CSMD3: variants seen among roughly 807,000 people sequenced by gnomAD.
The protein encoded by CSMD3 is CUB and sushi domain-containing protein 3.
A neutral mutation model predicts 435.2 loss-of-function variants in CSMD3; 177 were observed. The ratio of observed to expected loss-of-function variants is 0.41; its 90% CI spans 0.36 to 0.46. CSMD3 has a LOEUF of 0.46. CSMD3 is among the 20% of genes least tolerant of loss of function. The pLI, the probability that CSMD3 is intolerant of heterozygous loss-of-function variation, is 0.34. For missense variants in CSMD3, 4,265 were observed against 4,504.6 expected, an observed-to-expected ratio of 0.95 and a Z score of 1.52; for synonymous variants, 1,656 against 1,520.5, an observed-to-expected ratio of 1.09 and a Z score of -2.07.
chr8:112,903,610 G>A (rs2082169743), intron 10 of CSMD3, among the ~76,000 whole-genome samples: 1 of 150,622 alleles, frequency 6.6e-6, no homozygotes, highest in African/African-American at 2.4e-5. Context: ...TTTTTTTTAA[G>A]AAGAAAAAAC....
chr8:112,660,465 A>T (rs1302335349), intron 17 of CSMD3, among the ~76,000 whole-genome samples: 1 of 152,122 alleles, frequency 6.6e-6, no homozygotes, highest in Non-Finnish European at 1.5e-5. Context: ...AAAAGAACCA[A>T]TTTTCTGGCA....
chr8:113,001,559 T>A (rs752511203), intron 6 of CSMD3, among the ~76,000 whole-genome samples: 8 of 152,042 alleles, frequency 5.3e-5, no homozygotes, highest in African/African-American at 1.7e-4. Context: ...AGATCCTACA[T>A]CCCCTGTATT....
At chr8:113,265,767 C>T (rs919886033) in intron 3 of CSMD3, among the ~76,000 whole-genome samples, 2 of 151,496 alleles carry the variant, frequency 1.3e-5, no homozygotes, top group African/African-American at 2.4e-5. Flanking sequence ...TAGAGAGATA[C>T]TCATGATTTA....
chr8:112,700,121 G>A (rs1190129707), intron 13 of CSMD3, among the ~76,000 whole-genome samples: 2 of 152,166 alleles, frequency 1.3e-5, no homozygotes, highest in East Asian at 1.9e-4. Context: ...ATTTGGGAAT[G>A]ATGAGCTATT....
chr8:113,302,287 A>G (rs1420327316), intron 2 of CSMD3, among the ~76,000 whole-genome samples: 1 of 7,724 alleles, frequency 1.3e-4, no homozygotes, highest in Non-Finnish European at 1.6e-4. Flanking sequence ...ATTATAATAT[A>G]TAATATAATA....
chr8:113,113,666 C>T (rs1284398946), intron 4 of CSMD3, among the ~76,000 whole-genome samples: 1 of 152,144 alleles, frequency 6.6e-6, no homozygotes, highest in Non-Finnish European at 1.5e-5. Context: ...ACAATACTTG[C>T]AATCAGTCAT....
chr8:112,771,761 A>G (rs1211126193), intron 13 of CSMD3, among the ~76,000 whole-genome samples: 1 of 152,082 alleles, frequency 6.6e-6, no homozygotes, highest in Admixed American at 6.6e-5. Context: ...AATCTATAAA[A>G]TAAATTGTAG....
At chr8:112,932,938 T>G (rs546515551) in intron 9 of CSMD3, among the ~76,000 whole-genome samples, 1 of 152,180 alleles carries the variant, frequency 6.6e-6, no homozygotes, top group Non-Finnish European at 1.5e-5. Flanking sequence ...TATCAAAATA[T>G]CATGTGTTCC....
chr8:112,388,481 C>T (rs578170693), intron 36 of CSMD3, among the ~76,000 whole-genome samples: 1 of 151,770 alleles, frequency 6.6e-6, no homozygotes, highest in African/African-American at 2.4e-5. Context: ...TTCATTGTAC[C>T]GAGTAAGAGT....
At chr8:113,081,655 A>G (rs1182519477) in intron 5 of CSMD3, among the ~76,000 whole-genome samples, 1 of 152,078 alleles carries the variant, frequency 6.6e-6, no homozygotes, top group Non-Finnish European at 1.5e-5. Context: ...CAGAGCCACC[A>G]TCACACTACA....
chr8:112,840,585 A>T (rs1464986543), intron 11 of CSMD3, among the ~76,000 whole-genome samples: 1 of 151,776 alleles, frequency 6.6e-6, no homozygotes, highest in East Asian at 1.9e-4. Flanking sequence ...TAAGGTGATA[A>T]ATATAATAAT....
intron 49 of CSMD3, among the ~76,000 whole-genome samples, chr8:112,313,470 G>C (rs1442421963): frequency 6.6e-6 from 1 of 152,128 alleles, no homozygotes; most frequent in Non-Finnish European, 1.5e-5. Context: ...AAATAGGTCA[G>C]ATAACACACA....
intron 3 of CSMD3, among the ~76,000 whole-genome samples, chr8:113,256,065 T>C (rs1299755673): frequency 6.6e-6 from 1 of 152,002 alleles, no homozygotes; most frequent in Non-Finnish European, 1.5e-5. Flanking sequence ...AGAAATGTGC[T>C]ACATGAGGAT....
intron 3 of CSMD3, among the ~76,000 whole-genome samples, chr8:113,238,815 G>A (rs991424961): frequency 6.6e-6 from 1 of 152,118 alleles, no homozygotes. Flanking sequence ...GCACTTATAG[G>A]ATAGGGAAGT....
intron 27 of CSMD3, among the ~76,000 whole-genome samples, chr8:112,540,163 C>T (rs903203885): frequency 2.6e-5 from 4 of 151,826 alleles, no homozygotes; most frequent in Non-Finnish European, 4.4e-5. Flanking sequence ...ATACAAATGG[C>T]TACCAGGTAA....
chr8:113,336,432 T>C (rs1392594587), intron 1 of CSMD3, among the ~76,000 whole-genome samples: 3 of 152,174 alleles, frequency 2.0e-5, no homozygotes, highest in Non-Finnish European at 4.4e-5. Context: ...AGGGTTGGCA[T>C]CCAATTTGTT....
intron 4 of CSMD3, among the ~76,000 whole-genome samples, chr8:113,113,359 G>C (rs1418651141): frequency 6.6e-6 from 1 of 152,162 alleles, no homozygotes; most frequent in African/African-American, 2.4e-5. Context: ...AATGAACATA[G>C]TAATGTTGCA....
chr8:113,086,519 T>C (rs898640890), intron 5 of CSMD3, among the ~76,000 whole-genome samples: 2 of 151,798 alleles, frequency 1.3e-5, no homozygotes, highest in African/African-American at 4.8e-5. Flanking sequence ...TCAAAATATA[T>C]TCAAAATATA....
intron 3 of CSMD3, among the ~76,000 whole-genome samples, chr8:113,217,669 G>C (rs1260629675): frequency 6.6e-6 from 1 of 151,502 alleles, no homozygotes; most frequent in Non-Finnish European, 1.5e-5. Context: ...CTGAAGAACA[G>C]AGAGAAACAA....
Sources: gnomAD v4.1 joint callset for allele counts (sites outside exome capture counted in the v4.1 genomes callset) on GRCh38, gnomAD v4.1.1 for gene constraint, MANE v1.5 for transcripts, NCBI Gene and HGNC (gene_info 2026-07-23, HGNC 2026-07-21) for gene names.